KCNIP4: variants seen among roughly 807,000 people sequenced by gnomAD.
KCNIP4 encodes potassium voltage-gated channel interacting protein 4.
A neutral mutation model predicts 34.0 loss-of-function variants in KCNIP4; 12 were observed. The observed-to-expected ratio is 0.35, with a 90% CI of 0.23 to 0.57. KCNIP4 has a LOEUF of 0.57. KCNIP4 is among the 20% of genes least tolerant of loss of function. KCNIP4 has a pLI of 0.83. For synonymous variants in KCNIP4, 124 were observed against 102.2 expected (o/e 1.21, Z -1.29); for missense variants, 238 against 311.7 (o/e 0.76, Z 1.78).
At chr4:20,796,697 A>C (rs1189976489) in intron 3 of KCNIP4, among the ~76,000 whole-genome samples, 2 of 152,046 alleles carry the variant, frequency 1.3e-5, no homozygotes, top group Non-Finnish European at 2.9e-5. Flanking sequence ...AGATGGAAAT[A>C]ACTAAGAAAT....
chr4:20,746,162 C>T lies in KCNIP4; in HGVS notation c.429+3500G>A, dbSNP rs71607033. ...TCAATAATACACTGGATAAAGAAAA[C>T]GTGGCACATATACACCATGGAATAC... On this transcript the variant is annotated intron_variant, in intron 5 of 8. Transcript: ENST00000382152. Among the ~76,000 whole-genome samples the T allele has an allele frequency of 6.5e-3, 983 of 152,046 alleles. 2 individuals are homozygous for T. Among genetic ancestry groups the T allele is most frequent in the Middle Eastern group, 0.017 (5 of 294 alleles).
intron 3 of KCNIP4, among the ~76,000 whole-genome samples, chr4:20,773,092 A>G (rs1229349749): frequency 6.6e-6 from 1 of 152,026 alleles, no homozygotes; most frequent in Non-Finnish European, 1.5e-5. Context: ...TCTTGTTGCA[A>G]AACTTTCTTA....
chr4:20,966,943 A>C (rs890070077), intron 1 of KCNIP4, among the ~76,000 whole-genome samples: 2 of 152,162 alleles, frequency 1.3e-5, no homozygotes, highest in African/African-American at 4.8e-5. Context: ...TATGGGCAGG[A>C]GAACTGAGGT....
At chr4:21,628,565 C>T (rs993415351) in intron 1 of KCNIP4, among the ~76,000 whole-genome samples, 2 of 152,130 alleles carry the variant, frequency 1.3e-5, no homozygotes, top group Non-Finnish European at 2.9e-5. Context: ...GCTTAAATTC[C>T]CATTGAAAAC....
chr4:20,824,889 T>C (rs1717546056), intron 3 of KCNIP4, among the ~76,000 whole-genome samples: 1 of 152,180 alleles, frequency 6.6e-6, no homozygotes, highest in South Asian at 2.1e-4. Flanking sequence ...TTTGAAGAAC[T>C]ACTAAAACAC....
intron 1 of KCNIP4, among the ~76,000 whole-genome samples, chr4:21,790,360 C>T (rs550839517): frequency 1.2e-4 from 19 of 152,160 alleles, no homozygotes; most frequent in Non-Finnish European, 2.5e-4. Flanking sequence ...CACTTTAATA[C>T]GATACTCTAC....
At chr4:21,525,637 C>T (rs1471821860) in intron 1 of KCNIP4, among the ~76,000 whole-genome samples, 1 of 152,064 alleles carries the variant, frequency 6.6e-6, no homozygotes, top group Non-Finnish European at 1.5e-5. Context: ...CAGCAGTGCT[C>T]ATGTTATCAC....
At chr4:21,123,085 G>A (rs1750305918) in intron 1 of KCNIP4, among the ~76,000 whole-genome samples, 1 of 152,054 alleles carries the variant, frequency 6.6e-6, no homozygotes, top group South Asian at 2.1e-4. Context: ...TTGGTGGCGG[G>A]CGCCTGTAGT....
chr4:21,820,281 G>GTT lies in KCNIP4; in HGVS notation c.61+128289_61+128290insAA, dbSNP rs1485869715. On this transcript the variant is annotated intron_variant, in intron 1 of 8. Coordinates refer to ENST00000382152, the MANE Select transcript of KCNIP4 (RefSeq NM_025221.6). The stretch of plus-strand genomic sequence containing the variant: ...GTATGTATATCTTATGTATGTGTGT[G>GTT]TGTGTATATATATATATATATATAT... 4.9e-3 allele frequency among the ~76,000 whole-genome samples: 87 copies of GTT among 17,912 alleles called. 1 individual carries two copies. Among genetic ancestry groups the GTT allele is most frequent in the African/African-American group, 0.014 (84 of 6,020 alleles). The allele number at this position is 17,912 out of a possible 152,430, so 11.8% of individuals were successfully genotyped here. A position where few individuals can be genotyped will look rare whatever the true frequency, so the allele number is the denominator to read the frequency against.
chr4:21,771,729 G>A (rs961862745), intron 1 of KCNIP4, among the ~76,000 whole-genome samples: 6 of 152,086 alleles, frequency 3.9e-5, no homozygotes, highest in African/African-American at 1.4e-4. Flanking sequence ...CTCTCGGCTT[G>A]CCTATTGTTG....
At chr4:21,237,962 T>C (rs1759495339) in intron 1 of KCNIP4, among the ~76,000 whole-genome samples, 1 of 152,196 alleles carries the variant, frequency 6.6e-6, no homozygotes, top group South Asian at 2.1e-4. Flanking sequence ...TTGATGAACA[T>C]TGATGCAAAA....
intron 1 of KCNIP4, among the ~76,000 whole-genome samples, chr4:21,217,502 T>C (rs796882763): frequency 7.2e-5 from 11 of 152,296 alleles, no homozygotes; most frequent in African/African-American, 2.6e-4. Context: ...AGCAGGCCAG[T>C]AACCTGTAGA....
intron 1 of KCNIP4, among the ~76,000 whole-genome samples, chr4:21,550,723 A>G (rs1329614790): frequency 6.6e-6 from 1 of 152,166 alleles, no homozygotes; most frequent in East Asian, 1.9e-4. Flanking sequence ...CTTTTGGGGA[A>G]TAGAAGATTC....
rs569317612 is a variant in KCNIP4 at position 21,429,867 on chromosome 4, T to G, written c.61+518704A>C. 2.0e-5 allele frequency among the ~76,000 whole-genome samples: 3 copies of G among 152,318 alleles called. No individual in the cohort carries two copies. The South Asian group carries it at 6.2e-4, about 32-fold the overall frequency. ...TCAAAGTTCCTAACTTTTCTTTCAA[T>G]ACAACTGTGTCCAATGTAACATTAA... On this transcript the variant is annotated intron_variant, in intron 1 of 8. Transcript: ENST00000382152.
chr4:21,467,423 C>G lies in KCNIP4; in HGVS notation c.61+481148G>C, dbSNP rs537778801. ...GAGCTACACGCAGCCTGCCTCATTGCTCACAACACTACACCACAACTGTGT... is the reference window on the plus strand; with the variant it reads ...GAGCTACACGCAGCCTGCCTCATTGGTCACAACACTACACCACAACTGTGT... On this transcript the variant is annotated intron_variant, in intron 1 of 8. Transcript: ENST00000382152. 7.2e-5 allele frequency among the ~76,000 whole-genome samples: 11 copies of G among 152,252 alleles called. No homozygotes were observed. The East Asian group carries it at 1.9e-3, about 27-fold the overall frequency.
chr4:21,167,714 C>T (rs968443485), intron 1 of KCNIP4, among the ~76,000 whole-genome samples: 22 of 152,162 alleles, frequency 1.4e-4, no homozygotes, highest in Non-Finnish European at 2.8e-4. Context: ...AATCAATGCT[C>T]TTGCCTAAGA....
At chr4:20,951,469 T>C (rs372158861) in intron 1 of KCNIP4, among the ~76,000 whole-genome samples, 4 of 152,202 alleles carry the variant, frequency 2.6e-5, no homozygotes, top group Non-Finnish European at 5.9e-5. Flanking sequence ...TTTGATCCTC[T>C]AGAAATGATT....
intron 1 of KCNIP4, among the ~76,000 whole-genome samples, chr4:21,862,915 C>T (rs1456840336): frequency 1.3e-5 from 2 of 150,892 alleles, no homozygotes; most frequent in East Asian, 2.0e-4. Context: ...GAGCCCAGAT[C>T]GCGCCACTGC....
chr4:21,227,332 A>T (rs971908273), intron 1 of KCNIP4, among the ~76,000 whole-genome samples: 3 of 152,316 alleles, frequency 2.0e-5, no homozygotes, highest in African/African-American at 7.2e-5. Flanking sequence ...CCAATTCTGC[A>T]TTAATAGATG....
Sources: gnomAD v4.1 joint callset for allele counts (sites outside exome capture counted in the v4.1 genomes callset) on GRCh38, gnomAD v4.1.1 for gene constraint, MANE v1.5 for transcripts, NCBI Gene and HGNC (gene_info 2026-07-23, HGNC 2026-07-21) for gene names.